Variants in RIMBP2 observed in about 807,000 individuals in gnomAD.
RIMBP2 encodes RIMS binding protein 2.
In RIMBP2, 48 loss-of-function variants were observed where a neutral mutation model predicts 118.6. The observed-to-expected ratio is 0.40, with a 90% confidence interval of 0.32 to 0.51. The LOEUF is 0.51. RIMBP2 is among the 20% of genes least tolerant of loss of function. RIMBP2 has a pLI of 0.41. For missense variants in RIMBP2, 1,551 were observed against 1,768.3 expected, an observed-to-expected ratio of 0.88 and a Z score of 2.20; for synonymous variants, 762 against 742.9, an observed-to-expected ratio of 1.03 and a Z score of -0.42.
At position 130,485,244 on chromosome 12, in the gene RIMBP2, G is replaced by A. The variant is rs190845925; in HGVS notation, c.-3-6228C>T. On this transcript the variant is annotated intron_variant, in intron 4 of 22. Coordinates refer to ENST00000690449, the MANE Select transcript of RIMBP2 (RefSeq NM_001393629.1). The stretch of plus-strand genomic sequence containing the variant: ...GTCATTTATTAAGCACCTACTATAT[G>A]CAGGGCACTATGCTTGCCCAGGCAC... 2.8e-4 allele frequency among the ~76,000 whole-genome samples: 43 copies of A among 152,380 alleles called. No homozygotes were observed. The East Asian group carries it at 8.1e-3, about 29-fold the overall frequency.
At chr12:130,599,772 G>T (rs561651265) in intron 2 of RIMBP2, among the ~76,000 whole-genome samples, 7 of 152,124 alleles carry the variant, frequency 4.6e-5, no homozygotes, top group Non-Finnish European at 8.8e-5. Flanking sequence ...GCACACCTAC[G>T]TATATCCAGC....
At chr12:130,636,304 A>C (rs1303557926) in intron 1 of RIMBP2, among the ~76,000 whole-genome samples, 1 of 152,166 alleles carries the variant, frequency 6.6e-6, no homozygotes, top group Non-Finnish European at 1.5e-5. Context: ...ACTCTTGAGC[A>C]CCACACAGAT....
chr12:130,675,242 G>A (rs1377780145), intron 1 of RIMBP2, among the ~76,000 whole-genome samples: 4 of 152,286 alleles, frequency 2.6e-5, no homozygotes, highest in Non-Finnish European at 5.9e-5. Context: ...GCAGGCCTTC[G>A]GGAACGATGG....
At chr12:130,597,324 A>C (rs2059619693) in intron 2 of RIMBP2, among the ~76,000 whole-genome samples, 1 of 152,156 alleles carries the variant, frequency 6.6e-6, no homozygotes, top group Admixed American at 6.5e-5. Context: ...GCTCACTGCA[A>C]CCTCTGCCTC....
intron 2 of RIMBP2, among the ~76,000 whole-genome samples, chr12:130,535,458 G>C (rs1024759090): frequency 6.6e-6 from 1 of 152,016 alleles, no homozygotes; most frequent in Non-Finnish European, 1.5e-5. Flanking sequence ...AGGCTGCAGT[G>C]AGCCAAGATC....
intron 2 of RIMBP2, among the ~76,000 whole-genome samples, chr12:130,609,377 G>A (rs2060372504): frequency 6.6e-6 from 1 of 151,974 alleles, no homozygotes; most frequent in African/African-American, 2.4e-5. Flanking sequence ...AAAAAAAAAT[G>A]AAATCCTGAC....
In RIMBP2 at chr12:130,646,094, TCCACCTCCCTCTCCACCTCCCTCA is replaced by T. The variant is rs1566422032; in HGVS notation, c.-351-17662_-351-17639del. On this transcript the variant is annotated intron_variant, in intron 1 of 22. Coordinates refer to ENST00000690449, the MANE Select transcript of RIMBP2 (RefSeq NM_001393629.1). Reference sequence around the variant, plus strand: ...CTCCACCTCCCTCACCACTTCCCTCTCCACCTCCCTCTCCACCTCCCTCACCACCTGCCTCTCCACCTCCCTCAC... The same window carrying T: ...CTCCACCTCCCTCACCACTTCCCTCTCCACCTGCCTCTCCACCTCCCTCAC... Among the ~76,000 whole-genome samples, 37 of 51,138 alleles carry T rather than the reference TCCACCTCCCTCTCCACCTCCCTCA, an allele frequency of 7.2e-4. 1 individual carries two copies. The highest frequency in any genetic ancestry group is 0.013 in the Middle Eastern group (1 of 80). 33.5% of individuals were successfully genotyped at this position (51,138 alleles called of 152,430 possible).
At position 130,477,713 on chromosome 12, in the gene RIMBP2, A is replaced by T. The variant is rs75813345; in HGVS notation, c.102+1199T>A. The stretch of plus-strand genomic sequence containing the variant: ...GCTCTGCTAATAAACTCTGGAGGAG[A>T]AACGCTGCTCCGGCAGATTCCTATC... On this transcript the variant is annotated intron_variant, in intron 5 of 22. Transcript: ENST00000690449. Among the ~76,000 whole-genome samples, 311 of 152,352 alleles carry T rather than the reference A, an allele frequency of 2.0e-3. 4 individuals carry two copies. The highest frequency in any genetic ancestry group is 7.2e-3 in the African/African-American group (298 of 41,586).
chr12:130,483,639 C>T lies in RIMBP2; in HGVS notation c.-3-4623G>A, dbSNP rs1338556999. 2.0e-5 allele frequency among the ~76,000 whole-genome samples: 3 copies of T among 150,328 alleles called. No homozygotes were observed. The East Asian group carries it at 5.9e-4, about 30-fold the overall frequency. ...GATACACAGTGCCCAGAGCCCCCACCCTCACCTACACACAGTGCCCAGAGC... is the reference window on the plus strand; with the variant it reads ...GATACACAGTGCCCAGAGCCCCCACTCTCACCTACACACAGTGCCCAGAGC... On this transcript the variant is annotated intron_variant, in intron 4 of 22. Transcript: ENST00000690449.
chr12:130,577,410 T>C (rs1482200644), intron 2 of RIMBP2, among the ~76,000 whole-genome samples: 3 of 152,140 alleles, frequency 2.0e-5, no homozygotes, highest in African/African-American at 7.2e-5. Context: ...GGACTCACAG[T>C]TCCACATGGC....
At chr12:130,465,383 C>A (rs2080369715) in intron 6 of RIMBP2, 1 of 152,406 alleles carries the variant, frequency 6.6e-6, no homozygotes, top group Non-Finnish European at 1.5e-5. Flanking sequence ...CACAGAGCTG[C>A]CGACACGCAC....
At chr12:130,543,501 G>T (rs973621011) in intron 2 of RIMBP2, among the ~76,000 whole-genome samples, 1 of 152,140 alleles carries the variant, frequency 6.6e-6, no homozygotes, top group Non-Finnish European at 1.5e-5. Context: ...AAAACAGAAA[G>T]GGTAGGTAGA....
At position 130,411,796 on chromosome 12, in the gene RIMBP2, CT is replaced by C. The variant is rs1305690803; in HGVS notation, c.3589+822del. Among the ~76,000 whole-genome samples the C allele has an allele frequency of 2.6e-5, 4 of 152,122 alleles. 1 individual carries two copies. ...TTCGACTATTAGATGTGGATTCTGT[CT>C]TGAAACAATGCGTTTATTAATGCCA... On this transcript the variant is annotated intron_variant, in intron 19 of 22. Coordinates refer to ENST00000690449, the MANE Select transcript of RIMBP2 (RefSeq NM_001393629.1).
At chr12:130,634,464 C>G (rs1460843955) in intron 1 of RIMBP2, among the ~76,000 whole-genome samples, 1 of 152,200 alleles carries the variant, frequency 6.6e-6, no homozygotes, top group African/African-American at 2.4e-5. Flanking sequence ...GGCAGGTTAA[C>G]AATCACACCC....
At chr12:130,409,510 T>A (rs958643268) in intron 19 of RIMBP2, among the ~76,000 whole-genome samples, 7 of 151,766 alleles carry the variant, frequency 4.6e-5, no homozygotes, top group Non-Finnish European at 1.0e-4. Flanking sequence ...GCCCGGCTAA[T>A]TTTTTTGTAT....
At chr12:130,533,584 TTGTATCAAAAAGACACC>T (rs2053704208) in intron 2 of RIMBP2, among the ~76,000 whole-genome samples, 1 of 152,210 alleles carries the variant, frequency 6.6e-6, no homozygotes, top group African/African-American at 2.4e-5. Context: ...AAACAAATCA[TTGTATCAAAAAGACACC>T]TGCGCTCATG....
intron 4 of RIMBP2, among the ~76,000 whole-genome samples, chr12:130,481,940 ACC>A (rs2082050384): frequency 8.7e-6 from 1 of 114,982 alleles, no homozygotes; most frequent in Non-Finnish European, 1.7e-5. Context: ...AGCCGCCACC[ACC>A]ACCACCACCC....
At chr12:130,549,071 ACTC>A (rs2055471695) in intron 2 of RIMBP2, among the ~76,000 whole-genome samples, 1 of 152,046 alleles carries the variant, frequency 6.6e-6, no homozygotes. Context: ...CTAATTAAAT[ACTC>A]CTAGGAAACT....
chr12:130,642,839 C>T (rs1365736233), intron 1 of RIMBP2, among the ~76,000 whole-genome samples: 1 of 152,210 alleles, frequency 6.6e-6, no homozygotes, highest in Non-Finnish European at 1.5e-5. Context: ...GCACCTTGAT[C>T]TGAACCAGGC....
Sources: gnomAD v4.1 joint callset for allele counts (sites outside exome capture counted in the v4.1 genomes callset) on GRCh38, gnomAD v4.1.1 for gene constraint, MANE v1.5 for transcripts, NCBI Gene and HGNC (gene_info 2026-07-23, HGNC 2026-07-21) for gene names.